TEX9: variants seen among roughly 807,000 people sequenced by gnomAD.
TEX9 encodes the protein testis expressed 9, also known as testis-expressed protein 9.
A neutral mutation model predicts 59.6 loss-of-function variants in TEX9; 74 were observed. That is an observed-to-expected ratio of 1.24 (90% CI 1.03 to 1.51). The LOEUF is 1.51. TEX9 is among the 40% of genes most tolerant of loss of function. The probability of loss-of-function intolerance (pLI) is 0.00; values close to 1 mark genes in which losing one functional copy is unlikely to be tolerated. For synonymous variants in TEX9, 186 were observed against 152.2 expected (o/e 1.22, Z -1.64); for missense variants, 522 against 447.8 (o/e 1.17, Z -1.49).
chr15:56,391,188 A>G (rs927556684), intron 6 of TEX9, 55 bp from the exon 7 acceptor site: 17 of 1,209,496 alleles, frequency 1.4e-5, no homozygotes, highest in Non-Finnish European at 1.6e-5. Context: ...TACCTTTCCT[A>G]TTTTGTTCAT....
intron 1 of TEX9, among the ~76,000 whole-genome samples, chr15:56,286,544 G>T (rs1567073676): frequency 6.6e-6 from 1 of 152,168 alleles, no homozygotes; most frequent in African/African-American, 2.4e-5. Flanking sequence ...AAGCAGCAGA[G>T]CACATCTAGA....
At chr15:56,297,953 T>C (rs1401596671) in intron 1 of TEX9, among the ~76,000 whole-genome samples, 1 of 152,206 alleles carries the variant, frequency 6.6e-6, no homozygotes, top group African/African-American at 2.4e-5. Context: ...AGTAGGCACT[T>C]TTTAAAAAAT....
At chr15:56,245,534 G>GAC (rs2043831022) in intron 1 of TEX9, among the ~76,000 whole-genome samples, 1 of 152,210 alleles carries the variant, frequency 6.6e-6, no homozygotes, top group South Asian at 2.1e-4. Context: ...GGTGTGTAAA[G>GAC]ACAGTATTTT....
At chr15:56,316,722 G>A (rs561875216) in intron 1 of TEX9, among the ~76,000 whole-genome samples, 4 of 152,300 alleles carry the variant, frequency 2.6e-5, no homozygotes, top group African/African-American at 9.6e-5. Flanking sequence ...ATCAAGCCTG[G>A]GCAATGGTGG....
At chr15:56,366,965 C>T (rs1175908787) in intron 2 of TEX9, among the ~76,000 whole-genome samples, 1 of 152,124 alleles carries the variant, frequency 6.6e-6, no homozygotes, top group East Asian at 1.9e-4. Flanking sequence ...ATATATAGTT[C>T]TTTATCAGCT....
upstream of TEX9, among the ~76,000 whole-genome samples, chr15:56,364,493 T>G (rs2046858108): frequency 6.6e-6 from 1 of 151,816 alleles, no homozygotes; most frequent in African/African-American, 2.4e-5. Context: ...CTACTGCTTT[T>G]GGTGTCATAT....
chr15:56,391,518 G>C, intron 7 of TEX9, 100 bp downstream of exon 7: 1 of 807,802 alleles, frequency 1.2e-6, no homozygotes, highest in South Asian at 3.1e-5. Context: ...AATGTATTGT[G>C]ATGTCTTGGT....
intron 3 of TEX9, among the ~76,000 whole-genome samples, chr15:56,375,784 C>T (rs1439887132): frequency 7.3e-5 from 11 of 151,418 alleles, no homozygotes; most frequent in Admixed American, 2.0e-4. Context: ...ATGTTTATTG[C>T]GGCACTATTC....
intron 1 of TEX9, among the ~76,000 whole-genome samples, chr15:56,319,041 T>G (rs2045842942): frequency 1.3e-5 from 2 of 152,118 alleles, no homozygotes; most frequent in African/African-American, 4.8e-5. Flanking sequence ...AAGAAAATTA[T>G]TTAATTGCTT....
intron 1 of TEX9, among the ~76,000 whole-genome samples, chr15:56,304,470 A>C (rs2045431503): frequency 6.6e-6 from 1 of 152,164 alleles, no homozygotes; most frequent in Non-Finnish European, 1.5e-5. Flanking sequence ...GAATTTTATC[A>C]AATGTTTTTC....
rs1386216288 is a variant in TEX9 at position 56,405,103 on chromosome 15, A to C, written c.829-7199A>C. On this transcript the variant is annotated intron_variant, in intron 9 of 12. Coordinates refer to ENST00000352903, the Ensembl canonical transcript of TEX9. ...CATGTATCAAACCTGCACGTTGTGCACATGTACCCTAGAACTTAAAAGTAT... is the reference window on the plus strand; with the variant it reads ...CATGTATCAAACCTGCACGTTGTGCCCATGTACCCTAGAACTTAAAAGTAT... Among the ~76,000 whole-genome samples the C allele has an allele frequency of 3.3e-5, 5 of 152,266 alleles. No homozygotes were observed. In the East Asian group the frequency reaches 9.7e-4, roughly 29 times the overall value.
At chr15:56,381,084 C>T (rs2047704748) in intron 3 of TEX9, among the ~76,000 whole-genome samples, 1 of 152,050 alleles carries the variant, frequency 6.6e-6, no homozygotes, top group African/African-American at 2.4e-5. Context: ...TTTTCTAGAT[C>T]TTGTAGGCAT....
chr15:56,434,439 C>A, intron 12 of TEX9: 6 of 1,543,344 alleles, frequency 3.9e-6, no homozygotes, highest in Non-Finnish European at 5.3e-6. Flanking sequence ...TATTTCCTTA[C>A]ACCAGATTTA....
At chr15:56,372,516 G>C (rs980253983) in intron 2 of TEX9, among the ~76,000 whole-genome samples, 2 of 152,176 alleles carry the variant, frequency 1.3e-5, no homozygotes, top group African/African-American at 4.8e-5. Flanking sequence ...TTATTATGGT[G>C]TTAACCTTTA....
intron 1 of TEX9, among the ~76,000 whole-genome samples, chr15:56,296,272 A>C (rs895281410): frequency 3.3e-5 from 5 of 152,208 alleles, no homozygotes; most frequent in African/African-American, 1.2e-4. Flanking sequence ...TTTAAAATCT[A>C]ATTACCTAAT....
chr15:56,393,191 G>A (rs2048298259), intron 7 of TEX9, among the ~76,000 whole-genome samples: 1 of 152,132 alleles, frequency 6.6e-6, no homozygotes, highest in Non-Finnish European at 1.5e-5. Flanking sequence ...CTTTCCCTCA[G>A]AGGCCAACTA....
intron 1 of TEX9, among the ~76,000 whole-genome samples, chr15:56,272,934 A>AT (rs1303633928): frequency 6.9e-5 from 9 of 129,616 alleles, no homozygotes; most frequent in South Asian, 2.5e-4. Context: ...TTATTTATTT[A>AT]TTTATTTTTT....
In TEX9 at chr15:56,252,379, C is replaced by CTTTTTTTTT. The variant is rs3050136; in HGVS notation, c.-107+8109_-107+8117dup. Among the ~76,000 whole-genome samples, 31 of 119,706 alleles carry CTTTTTTTTT rather than the reference C, an allele frequency of 2.6e-4. 1 individual carries two copies. Among genetic ancestry groups the CTTTTTTTTT allele is most frequent in the East Asian group, 7.4e-4 (3 of 4,034 alleles). 78.5% of individuals were successfully genotyped at this position (119,706 alleles called of 152,430 possible). ...TGTTGAATTGAGCTATTAGAAAAAC[C>CTTTTTTTTT]TTTTTTTTTTTTTTTTGTCCAGGCC... On this transcript the variant is annotated intron_variant, in intron 1 of 5. Coordinates refer to the TEX9 transcript ENST00000560827.
At chr15:56,428,995 C>T in intron 12 of TEX9, 1 of 594,044 alleles carries the variant, frequency 1.7e-6, no homozygotes, top group Non-Finnish European at 2.8e-6. Flanking sequence ...TTACAAAATC[C>T]AAACAGACAA....
Sources: gnomAD v4.1 joint callset for allele counts (sites outside exome capture counted in the v4.1 genomes callset) on GRCh38, gnomAD v4.1.1 for gene constraint, MANE v1.5 for transcripts, NCBI Gene and HGNC (gene_info 2026-07-23, HGNC 2026-07-21) for gene names.